Variants in IGF2R observed in about 807,000 individuals in gnomAD.
IGF2R encodes cation-independent mannose-6-phosphate receptor.
Under a neutral mutation model 270.6 loss-of-function variants are expected in IGF2R, and 91 were observed. That is an observed-to-expected ratio of 0.34 (90% CI 0.28 to 0.40). The LOEUF is 0.40. IGF2R is among the 10% of genes least tolerant of loss of function. The pLI, the probability that IGF2R is intolerant of heterozygous loss-of-function variation, is 1.00. For synonymous variants in IGF2R, 1,316 were observed against 1,258.9 expected, an observed-to-expected ratio of 1.05 and a Z score of -0.96; for missense variants, 2,805 against 3,188.3, an observed-to-expected ratio of 0.88 and a Z score of 2.90.
At chr6:160,056,122 G>A (rs1482828183) in intron 19 of IGF2R, among the ~76,000 whole-genome samples, 1 of 152,148 alleles carries the variant, frequency 6.6e-6, no homozygotes, top group Admixed American at 6.5e-5. Flanking sequence ...AACTTTTTGT[G>A]TAGGGTACTT....
chr6:159,987,853 A>G (rs538725610), intron 1 of IGF2R, among the ~76,000 whole-genome samples: 1 of 152,258 alleles, frequency 6.6e-6, no homozygotes, highest in South Asian at 2.1e-4. Flanking sequence ...CCTTCGCCTC[A>G]AGTGCTGCTG....
intron 11 of IGF2R, 38 bp from the exon 12 acceptor site, chr6:160,043,110 A>G: frequency 1.9e-6 from 3 of 1,608,880 alleles, no homozygotes; most frequent in African/African-American, 1.3e-5. Flanking sequence ...AGAAATCAGC[A>G]TTGCTTTTGG....
At chr6:159,986,640 C>T (rs1404591077) in intron 1 of IGF2R, among the ~76,000 whole-genome samples, 1 of 152,108 alleles carries the variant, frequency 6.6e-6, no homozygotes, top group Non-Finnish European at 1.5e-5. Context: ...GGTGTTTCCA[C>T]ACAGCTTGCA....
intron 32 of IGF2R, among the ~76,000 whole-genome samples, 189 bp from the exon 33 acceptor site, chr6:160,072,576 C>T (rs1778766061): frequency 6.6e-6 from 1 of 152,210 alleles, no homozygotes. Context: ...GATGGGACAT[C>T]TCATGGATCA....
intron 17 of IGF2R, 84 bp from the exon 18 acceptor site, chr6:160,048,291 T>G: frequency 7.5e-7 from 1 of 1,340,070 alleles, no homozygotes; most frequent in East Asian, 2.4e-5. Flanking sequence ...TTTGGTAGCT[T>G]TACTTCCCCA....
At chr6:160,044,688 C>T (rs1193989330) in intron 13 of IGF2R, 31 bp downstream of exon 13, 1 of 1,571,746 alleles carries the variant, frequency 6.4e-7, no homozygotes, top group Admixed American at 1.8e-5. Context: ...GAAATCTTTT[C>T]TGGCTTCTGC....
intron 38 of IGF2R, 118 bp from the exon 39 acceptor site, chr6:160,080,011 G>A (rs556276346): frequency 2.1e-5 from 27 of 1,259,190 alleles, no homozygotes; most frequent in African/African-American, 2.1e-4. Flanking sequence ...GGTGAATGCC[G>A]GTTGTCACGT....
chr6:160,006,284 C>G (rs192831823), intron 2 of IGF2R: 1 of 154,748 alleles, frequency 6.5e-6, no homozygotes, highest in Non-Finnish European at 1.4e-5. Flanking sequence ...ATGCGCCTTC[C>G]GCGTCTCCAG....
chr6:160,005,181 G>A (rs1562339533), intron 2 of IGF2R: 1 of 152,280 alleles, frequency 6.6e-6, no homozygotes, highest in East Asian at 1.9e-4. Flanking sequence ...GAACAGCTTT[G>A]TACATAAAAG....
Position 160,089,275 on chromosome 6 carries a change from T to G in IGF2R, c.6467+22T>G. The G allele has an allele frequency of 1.9e-6, 3 of 1,592,798 alleles. No homozygotes were observed. In the South Asian group the frequency reaches 3.4e-5, roughly 18 times the overall value. Reference sequence around the variant, plus strand: ...TTAAGTAAGTAAAACGTTTTCCTTCTGAGCTGTGAAATGTGTTCAAAATTA... The same window carrying G: ...TTAAGTAAGTAAAACGTTTTCCTTCGGAGCTGTGAAATGTGTTCAAAATTA... On this transcript the variant is annotated intron_variant, in intron 43 of 47. Transcript: ENST00000356956.
chr6:160,009,415 T>C (rs1007089229), intron 3 of IGF2R, among the ~76,000 whole-genome samples: 15 of 152,256 alleles, frequency 9.9e-5, no homozygotes, highest in African/African-American at 3.4e-4. Flanking sequence ...GTTTAAGTTA[T>C]AGGCATACTT....
At chr6:159,975,762 A>G (rs1351926892) in intron 1 of IGF2R, among the ~76,000 whole-genome samples, 2 of 147,402 alleles carry the variant, frequency 1.4e-5, no homozygotes, top group African/African-American at 2.5e-5. Flanking sequence ...ATTATAGTGT[A>G]TATTATATAT....
At chr6:160,020,249 A>T (rs114778628) in intron 4 of IGF2R, among the ~76,000 whole-genome samples, 1 of 151,948 alleles carries the variant, frequency 6.6e-6, no homozygotes, top group Non-Finnish European at 1.5e-5. Context: ...TTAGCCAAGG[A>T]GGTGAAAAAT....
intron 20 of IGF2R, 147 bp downstream of exon 20, chr6:160,056,672 C>G (rs1396901402): frequency 1.1e-5 from 7 of 642,148 alleles, no homozygotes; most frequent in African/African-American, 5.4e-5. Context: ...TGCAGGTCAC[C>G]CAGAGTTCCT....
chr6:160,009,114 T>G lies in IGF2R; in HGVS notation c.394T>G (p.Phe132Val). Residue 132 changes from phenylalanine to valine, a missense_variant, in exon 3 of 48, where the codon TTC becomes GTC. Physicochemically the swap from Phe to Val is conservative, Grantham distance 50. Transcript: ENST00000356956. ...TCACAGAGTCCAGAGCAGCATTGCC[T>G]TCCTGTGTGGGAAAACCCTGGTGAG... Reference protein sequence around the residue: ...TNHRVQSSIAFLCGKTLGTPE... With the variant: ...TNHRVQSSIAVLCGKTLGTPE... 1 of 1,613,898 alleles carries G rather than the reference T, an allele frequency of 6.2e-7. No individual in the cohort carries two copies. Among genetic ancestry groups the G allele is most frequent in the Non-Finnish European group, 8.5e-7 (1 of 1,179,912 alleles).
At chr6:160,056,960 G>A (rs1217259793) in intron 20 of IGF2R, among the ~76,000 whole-genome samples, 2 of 152,146 alleles carry the variant, frequency 1.3e-5, no homozygotes, top group African/African-American at 4.8e-5. Context: ...AGGTGTTAAT[G>A]TGATCCTGTC....
intron 2 of IGF2R, among the ~76,000 whole-genome samples, chr6:159,995,354 A>C (rs969979391): frequency 1.3e-5 from 2 of 151,826 alleles, no homozygotes; most frequent in African/African-American, 4.8e-5. Context: ...TAAGCAACAT[A>C]TGGTTGGATC....
chr6:160,074,929 C>T (rs143523104), intron 35 of IGF2R, among the ~76,000 whole-genome samples: 5 of 152,272 alleles, frequency 3.3e-5, no homozygotes, highest in South Asian at 2.1e-4. Flanking sequence ...CAGCGCAGAC[C>T]GGGGATCCTC....
At position 160,048,512 on chromosome 6, in the gene IGF2R, C is replaced by T. The variant is rs577548757; in HGVS notation, c.2483C>T (p.Ser828Leu). ...NPVPGCNRYA[S>L]ACQMKYEKDQ... ...GTGCCGGGCTGCAACCGATATGCAT[C>T]GGCTTGCCAGATGAAGTATGAAAAA... Residue 828 changes from serine to leucine, a missense_variant, in exon 18 of 48, where the codon TCG becomes TTG. Coordinates refer to ENST00000356956, the MANE Select transcript of IGF2R (RefSeq NM_000876.4). 5.0e-6 allele frequency: 8 copies of T among 1,613,894 alleles called. No individual in the cohort carries two copies. Among genetic ancestry groups the T allele is most frequent in the Admixed American group, 1.7e-5 (1 of 59,954 alleles).
Sources: gnomAD v4.1 joint callset for allele counts (sites outside exome capture counted in the v4.1 genomes callset) on GRCh38, gnomAD v4.1.1 for gene constraint, MANE v1.5 for transcripts, NCBI Gene and HGNC (gene_info 2026-07-23, HGNC 2026-07-21) for gene names.